The following USH2A variants were observed in gnomAD, a reference collection of about 807,000 sequenced individuals.
USH2A encodes Usher syndrome 2A (autosomal recessive, mild).
Under a neutral mutation model 538.9 loss-of-function variants are expected in USH2A, and 443 were observed. That is an observed-to-expected ratio of 0.82 (90% CI 0.76 to 0.89). The LOEUF (loss-of-function observed/expected upper bound fraction) is 0.89. USH2A is among the 40% of genes least tolerant of loss of function. The pLI is 0.00. For synonymous variants in USH2A, 2,413 were observed against 2,273.5 expected, an observed-to-expected ratio of 1.06 and a Z score of -1.75; for missense variants, 6,633 against 6,324.8, an observed-to-expected ratio of 1.05 and a Z score of -1.65.
rs1175652008 is a variant in USH2A, at chr1:215,965,348, G to C, written c.7089C>G (p.Val2363=). Residue 2363 remains valine (V), a synonymous_variant, in exon 37 of 72, where the codon GTC becomes GTG. Transcript: ENST00000307340. ...FRPNGLLTHS[V]LFTGIFYVDP... Reference sequence around the variant, plus strand: ...CTACATAGAATATCCCAGTGAAAAGGACTGAGTGTGTTAAGAGTCCATTAG... The same window carrying C: ...CTACATAGAATATCCCAGTGAAAAGCACTGAGTGTGTTAAGAGTCCATTAG... 9 of 1,613,640 alleles carry C rather than the reference G, an allele frequency of 5.6e-6. No individual in the cohort carries two copies. Among genetic ancestry groups the C allele is most frequent in the Admixed American group, 5.0e-5 (3 of 59,934 alleles).
intron 54 of USH2A, among the ~76,000 whole-genome samples, chr1:215,780,547 G>C (rs979523406): frequency 5.3e-5 from 8 of 152,198 alleles, no homozygotes; most frequent in African/African-American, 1.9e-4. Context: ...TGACTTTATA[G>C]TGTCTGCACC....
chr1:216,126,159 T>C (rs1407550045), intron 21 of USH2A, among the ~76,000 whole-genome samples: 1 of 152,158 alleles, frequency 6.6e-6, no homozygotes, highest in Admixed American at 6.5e-5. Flanking sequence ...TAAATGCACA[T>C]GAAACAATTG....
intron 60 of USH2A, among the ~76,000 whole-genome samples, chr1:215,737,606 G>T (rs911390337): frequency 6.6e-6 from 1 of 151,744 alleles, no homozygotes; most frequent in Non-Finnish European, 1.5e-5. Context: ...AAGGGCTTAG[G>T]TCTCATAGAT....
At chr1:216,258,056 G>A (rs965117852) in intron 11 of USH2A, among the ~76,000 whole-genome samples, 1 of 152,046 alleles carries the variant, frequency 6.6e-6, no homozygotes, top group Non-Finnish European at 1.5e-5. Context: ...ATTATAAGTT[G>A]TACTTTCCTG....
chr1:216,045,673 C>T (rs894550107), intron 32 of USH2A, among the ~76,000 whole-genome samples: 1 of 152,112 alleles, frequency 6.6e-6, no homozygotes, highest in African/African-American at 2.4e-5. Context: ...AATTTCAATC[C>T]TTGTGGTCTG....
At chr1:216,142,851 C>T (rs2033626651) in intron 21 of USH2A, among the ~76,000 whole-genome samples, 1 of 152,110 alleles carries the variant, frequency 6.6e-6, no homozygotes, top group Non-Finnish European at 1.5e-5. Flanking sequence ...TTAAATTTTA[C>T]CTAACTTAAT....
At chr1:216,396,683 A>T (rs1426168511) in intron 3 of USH2A, among the ~76,000 whole-genome samples, 1 of 152,162 alleles carries the variant, frequency 6.6e-6, no homozygotes, top group Non-Finnish European at 1.5e-5. Context: ...TATGGCAATG[A>T]CTTTTGCATT....
intron 21 of USH2A, among the ~76,000 whole-genome samples, chr1:216,150,017 A>T (rs1419578763): frequency 1.3e-5 from 2 of 152,050 alleles, no homozygotes; most frequent in African/African-American, 4.8e-5. Flanking sequence ...TATGAGCCTA[A>T]TACATCCCTT....
At chr1:215,873,182 G>A (rs1664668248) in intron 43 of USH2A, among the ~76,000 whole-genome samples, 1 of 152,094 alleles carries the variant, frequency 6.6e-6, no homozygotes, top group Admixed American at 6.6e-5. Flanking sequence ...GAATGTGAAA[G>A]ACATGTTTAC....
chr1:215,703,081 T>G (rs1479867617), intron 61 of USH2A, among the ~76,000 whole-genome samples: 1 of 152,202 alleles, frequency 6.6e-6, no homozygotes, highest in Non-Finnish European at 1.5e-5. Flanking sequence ...TTTCTGCAGG[T>G]CTGCTGGAGT....
chr1:216,418,585 A>G lies in USH2A; in HGVS notation c.580T>C (p.Leu194=), dbSNP rs2102783861. Residue 194 remains leucine (L), a synonymous_variant, in exon 3 of 72, where the codon TTG becomes CTG. Transcript: ENST00000307340. ...GTCATTACTTTTATTGGAGGTTGCAAACCATTTACTGTGCGATAATAAAAC... is the reference window on the plus strand; with the variant it reads ...GTCATTACTTTTATTGGAGGTTGCAGACCATTTACTGTGCGATAATAAAAC... ...TMFYYRTVNG[L]QPPIKVMTLG... 3 of 1,613,388 alleles carry G rather than the reference A, an allele frequency of 1.9e-6. No individual in the cohort carries two copies. Among genetic ancestry groups the G allele is most frequent in the Non-Finnish European group, 2.5e-6 (3 of 1,179,582 alleles).
intron 30 of USH2A, among the ~76,000 whole-genome samples, chr1:216,069,234 G>C (rs897477639): frequency 2.0e-5 from 3 of 152,124 alleles, no homozygotes; most frequent in Non-Finnish European, 4.4e-5. Flanking sequence ...TAGGAAAGAA[G>C]TGAAGGGTGT....
chr1:216,082,140 A>T (rs2031969349), intron 26 of USH2A, among the ~76,000 whole-genome samples: 1 of 152,108 alleles, frequency 6.6e-6, no homozygotes, highest in African/African-American at 2.4e-5. Context: ...TCACCACAGC[A>T]TGAGCTCATT....
rs757542673 is a variant in USH2A at position 216,199,701 on chromosome 1, A to C, written c.3737T>G (p.Leu1246Arg). 1.9e-6 allele frequency: 3 copies of C among 1,613,964 alleles called. No homozygotes were observed. Among genetic ancestry groups the C allele is most frequent in the African/African-American group, 2.7e-5 (2 of 74,924 alleles). Residue 1246 changes from leucine to arginine, a missense_variant, in exon 17 of 72, where the codon CTA becomes CGA. Transcript: ENST00000307340. ...GATTTTCTGCATCTTAGGTGGACTT[A>C]GTCTTTGGGGAGGGGCCTGGGCTGT... Reference protein sequence around the residue: ...VTTAQAPPQRLSPPKMQKISS... With the variant: ...VTTAQAPPQRRSPPKMQKISS...
intron 4 of USH2A, among the ~76,000 whole-genome samples, chr1:216,363,522 T>C (rs745867114): frequency 4.6e-5 from 7 of 152,120 alleles, no homozygotes; most frequent in Non-Finnish European, 8.8e-5. Flanking sequence ...CTCAAATACA[T>C]ATGTACGTAT....
At chr1:215,987,550 T>C (rs1667900603) in intron 35 of USH2A, among the ~76,000 whole-genome samples, 1 of 152,156 alleles carries the variant, frequency 6.6e-6, no homozygotes, top group African/African-American at 2.4e-5. Context: ...TTTGCAGGTA[T>C]GTGAAGCAAG....
At chr1:216,123,775 T>C (rs144018717) in intron 21 of USH2A, among the ~76,000 whole-genome samples, 29 of 152,236 alleles carry the variant, frequency 1.9e-4, no homozygotes, top group African/African-American at 6.7e-4. Flanking sequence ...ATATAACACA[T>C]AGAAAAATAA....
intron 54 of USH2A, among the ~76,000 whole-genome samples, chr1:215,780,303 C>A (rs1661594707): frequency 6.6e-6 from 1 of 152,212 alleles, no homozygotes; most frequent in Middle Eastern, 3.4e-3. Flanking sequence ...CAGAGTGCAG[C>A]CCTCAGTGTT....
At chr1:216,173,425 C>T (rs2034310163) in intron 21 of USH2A, among the ~76,000 whole-genome samples, 1 of 152,124 alleles carries the variant, frequency 6.6e-6, no homozygotes, top group African/African-American at 2.4e-5. Context: ...CCAGGAATCA[C>T]CAAAGCTCCA....
Sources: allele counts gnomAD v4.1 joint callset (sites outside exome capture counted in the v4.1 genomes callset), GRCh38; gene constraint gnomAD v4.1.1; transcripts MANE v1.5; gene names NCBI Gene and HGNC (gene_info 2026-07-23, HGNC 2026-07-21).